Variants in ABCC4 observed in about 807,000 individuals in gnomAD.
ABCC4 encodes ATP-binding cassette sub-family C member 4.
Under a neutral mutation model 168.5 loss-of-function variants are expected in ABCC4, and 102 were observed. The observed-to-expected ratio is 0.61, with a 90% CI of 0.52 to 0.71. The LOEUF is 0.71. Ranked by LOEUF, ABCC4 falls within the 30% of genes least tolerant of loss-of-function variation. The probability of loss-of-function intolerance (pLI) is 0.00; values close to 1 mark genes in which losing one functional copy is unlikely to be tolerated. For missense variants in ABCC4, 1,402 were observed against 1,605.8 expected, an observed-to-expected ratio of 0.87 and a Z score of 2.17; for synonymous variants, 617 against 590.7, an observed-to-expected ratio of 1.04 and a Z score of -0.65.
At chr13:95,022,127 G>A (rs774767096) in intron 30 of ABCC4, among the ~76,000 whole-genome samples, 15 of 152,180 alleles carry the variant, frequency 9.9e-5, no homozygotes, top group Non-Finnish European at 1.9e-4. Flanking sequence ...TATAAACTCT[G>A]ATTGACAAGC....
intron 9 of ABCC4, among the ~76,000 whole-genome samples, chr13:95,190,476 G>A (rs978340160): frequency 6.6e-6 from 1 of 152,194 alleles, no homozygotes; most frequent in African/African-American, 2.4e-5. Context: ...GAGCATGATA[G>A]GGATAGTTTA....
intron 4 of ABCC4, among the ~76,000 whole-genome samples, chr13:95,214,897 A>C (rs1011974291): frequency 4.0e-5 from 6 of 151,758 alleles, no homozygotes; most frequent in African/African-American, 1.5e-4. Flanking sequence ...AAAAAAAAAA[A>C]AAAAAACACC....
At chr13:95,061,217 T>C (rs1729745) in intron 26 of ABCC4, among the ~76,000 whole-genome samples, 138,075 of 152,170 alleles carry the variant, frequency 0.91, 62,922 homozygotes, top group Non-Finnish European at 0.95. Flanking sequence ...TCTGAGATCC[T>C]GCTTTTAATT....
At chr13:95,262,761 T>A (rs1451980406) in intron 1 of ABCC4, among the ~76,000 whole-genome samples, 1 of 151,878 alleles carries the variant, frequency 6.6e-6, no homozygotes, top group African/African-American at 2.4e-5. Flanking sequence ...GCCTCCTGAG[T>A]AGCTGGGATT....
Position 95,207,673 on chromosome 13 carries a change from G to A in ABCC4, c.911+127C>T, listed in dbSNP as rs1048449334. Reference sequence around the variant, plus strand: ...ATTCTACTTAACCCAACTGCCAAGCGTGGGGACTGGGATGGATTGTACTGA... The same window carrying A: ...ATTCTACTTAACCCAACTGCCAAGCATGGGGACTGGGATGGATTGTACTGA... On this transcript the variant is annotated intron_variant, in intron 7 of 30. Coordinates refer to ENST00000645237, the MANE Select transcript of ABCC4 (RefSeq NM_005845.5). 17 of 947,764 alleles carry A rather than the reference G, an allele frequency of 1.8e-5. No individual in the cohort carries two copies. In the Admixed American group the frequency reaches 2.5e-4, roughly 14 times the overall value. The allele number at this position is 947,764 out of a possible 1,614,324, so 58.7% of individuals were successfully genotyped here. A position where few individuals can be genotyped will look rare whatever the true frequency, so the allele number is the denominator to read the frequency against.
intron 29 of ABCC4, among the ~76,000 whole-genome samples, chr13:95,040,470 A>G (rs1375966983): frequency 6.6e-6 from 1 of 152,108 alleles, no homozygotes; most frequent in Admixed American, 6.5e-5. Context: ...CTGACCTCTC[A>G]GGTGATCTGC....
chr13:95,149,867 A>C (rs973084748), intron 19 of ABCC4, among the ~76,000 whole-genome samples: 2 of 152,210 alleles, frequency 1.3e-5, no homozygotes, highest in East Asian at 3.8e-4. Flanking sequence ...CAGTCACTGA[A>C]GCAAAAGAAC....
rs11568644 is a variant in ABCC4, at chr13:95,053,126, G to A, written c.3425C>T (p.Thr1142Met). ...TAAGGCATTCCACAGTTCCTCATCC[G>A]TGTGCTCATTAAAGGGATCCAGGTT... ...RKNLDPFNEH[T>M]DEELWNALQE... Residue 1142 changes from threonine (T) to methionine (M), a missense_variant, in exon 27 of 31, where the codon ACG becomes ATG. Physicochemically the swap from Thr to Met is moderately conservative, Grantham distance 81. Transcript: ENST00000645237. 6.5e-3 allele frequency: 10,424 copies of A among 1,613,900 alleles called. 59 individuals are homozygous for A. Among genetic ancestry groups the A allele is most frequent in the South Asian group, 0.013 (1,164 of 91,068 alleles).
chr13:95,128,538 C>T (rs1334415507), intron 19 of ABCC4, among the ~76,000 whole-genome samples: 1 of 152,208 alleles, frequency 6.6e-6, no homozygotes, highest in African/African-American at 2.4e-5. Context: ...CTGTGCAACT[C>T]TTTCCTTCCC....
chr13:95,161,294 G>C lies in ABCC4; in HGVS notation c.2350C>G (p.Leu784Val). Residue 784 changes from leucine (L) to valine (V), a missense_variant, in exon 19 of 31, where the codon CTA becomes GTA. Around this residue, in one of 3 missense-constraint regions of ABCC4, gnomAD observed 1,007 missense variants for 1,127.3 expected, o/e 0.89. Coordinates refer to ENST00000645237, the MANE Select transcript of ABCC4 (RefSeq NM_005845.5). ...TTAACAAGGACGTAGAATACCAATA[G>C]AGATCTTGCTATGCCAAAAAGAACG... ...ATVLFGIARS[L>V]LVFYVLVNSS... 1 of 1,601,854 alleles carries C rather than the reference G, an allele frequency of 6.2e-7. No individual in the cohort carries two copies. Among genetic ancestry groups the C allele is most frequent in the Non-Finnish European group, 8.5e-7 (1 of 1,177,256 alleles).
chr13:95,062,942 T>G, intron 25 of ABCC4, 83 bp from the exon 26 acceptor site: 1 of 1,480,976 alleles, frequency 6.8e-7, no homozygotes, highest in Non-Finnish European at 9.1e-7. Context: ...AAACTTTCGG[T>G]TTTTGAAGAA....
rs1233914352 is a variant in ABCC4, at chr13:95,071,761, A to C, written c.3111T>G (p.His1037Gln). The C allele has an allele frequency of 6.2e-7, 1 of 1,607,858 alleles. No individual in the cohort carries two copies. Among genetic ancestry groups the C allele is most frequent in the Non-Finnish European group, 8.5e-7 (1 of 1,177,144 alleles). The change falls in exon 25 of 31, where the codon CAT (histidine) becomes CAG (glutamine). Residue 1037 changes from histidine (H) to glutamine (Q), a missense_variant. Physicochemically the swap from His to Gln is conservative, Grantham distance 24. Coordinates refer to ENST00000645237, the MANE Select transcript of ABCC4 (RefSeq NM_005845.5). ...YQKRPPPAWP[H>Q]EGVIIFDNVN... ...CATTGTCAAAGATTATCACTCCTTCATGGGGCCAGGCTGGTGGTGGGCGTT... is the reference window on the plus strand; with the variant it reads ...CATTGTCAAAGATTATCACTCCTTCCTGGGGCCAGGCTGGTGGTGGGCGTT...
At chr13:95,275,657 A>C (rs1344300970) in intron 1 of ABCC4, among the ~76,000 whole-genome samples, 1 of 151,908 alleles carries the variant, frequency 6.6e-6, no homozygotes, top group African/African-American at 2.4e-5. Flanking sequence ...CACTCTAATG[A>C]GCAAAAACAA....
chr13:95,292,800 G>A (rs1229434689), intron 1 of ABCC4, among the ~76,000 whole-genome samples: 2 of 152,066 alleles, frequency 1.3e-5, no homozygotes, highest in African/African-American at 4.8e-5. Context: ...GAGCAGACAG[G>A]GACTAGGCCT....
chr13:95,163,247 G>A (rs1284522429), intron 17 of ABCC4, 31 bp from the exon 18 acceptor site: 2 of 1,388,092 alleles, frequency 1.4e-6, no homozygotes, highest in Non-Finnish European at 1.0e-6. Context: ...AAAATATTAA[G>A]CTATATATGA....
chr13:95,141,917 A>T (rs2036331206), intron 19 of ABCC4, among the ~76,000 whole-genome samples: 1 of 152,174 alleles, frequency 6.6e-6, no homozygotes, highest in South Asian at 2.1e-4. Context: ...TTTTCAGAGG[A>T]CCATCAATAC....
rs185716621 is a variant in ABCC4, at chr13:95,101,124, C to A, written c.2535+14798G>T. 1.6e-4 allele frequency among the ~76,000 whole-genome samples: 24 copies of A among 152,270 alleles called. 1 individual carries two copies. Among genetic ancestry groups the A allele is most frequent in the South Asian group, 1.2e-3 (6 of 4,812 alleles). On this transcript the variant is annotated intron_variant, in intron 20 of 30. Coordinates refer to ENST00000645237, the MANE Select transcript of ABCC4 (RefSeq NM_005845.5). ...TGCCCCTCATCCTGCCCTCCCACCC[C>A]CCTAGGGAAGAAATGACTGAGGACA...
intron 1 of ABCC4, among the ~76,000 whole-genome samples, chr13:95,290,624 G>C (rs969763775): frequency 1.4e-5 from 2 of 144,726 alleles, no homozygotes; most frequent in African/African-American, 5.1e-5. Flanking sequence ...AGAATCACTT[G>C]AACCTGGGAG....
intron 25 of ABCC4, among the ~76,000 whole-genome samples, chr13:95,067,979 G>T (rs182279692): frequency 1.4e-4 from 21 of 152,232 alleles, no homozygotes; most frequent in African/African-American, 4.8e-4. Context: ...CCTCATTTTG[G>T]TTCATTCTTT....
Sources: gnomAD v4.1 joint callset for allele counts (sites outside exome capture counted in the v4.1 genomes callset) on GRCh38, gnomAD v4.1.1 for gene constraint, gnomAD v4.1.1 regional missense constraint, MANE v1.5 for transcripts, NCBI Gene and HGNC (gene_info 2026-07-23, HGNC 2026-07-21) for gene names.